The following TBC1D5 variants were observed in gnomAD, a reference collection of about 807,000 sequenced individuals.
The protein encoded by TBC1D5 is TBC1 domain family, member 5.
TBC1D5 carries 75 observed loss-of-function variants against 100.3 expected under a neutral mutation model. The observed-to-expected ratio is 0.75, with a 90% confidence interval of 0.62 to 0.91. TBC1D5 has a LOEUF of 0.91. TBC1D5 is among the 40% of genes least tolerant of loss of function. The pLI is 0.00. For synonymous variants in TBC1D5, 323 were observed against 325.6 expected, an observed-to-expected ratio of 0.99 and a Z score of 0.09; for missense variants, 910 against 942.4, an observed-to-expected ratio of 0.97 and a Z score of 0.45.
chr3:17,712,165 T>G (rs2074802737), intron 1 of TBC1D5, among the ~76,000 whole-genome samples: 1 of 152,130 alleles, frequency 6.6e-6, no homozygotes, highest in African/African-American at 2.4e-5. Context: ...GTGAAATCAT[T>G]ACCATTTCTA....
intron 3 of TBC1D5, among the ~76,000 whole-genome samples, chr3:17,496,608 T>C (rs140875554): frequency 1.3e-5 from 2 of 152,266 alleles, no homozygotes; most frequent in African/African-American, 4.8e-5. Flanking sequence ...CATCCTGTTA[T>C]CTCAGATTAA....
At chr3:17,378,358 T>A (rs2092793204) in intron 9 of TBC1D5, among the ~76,000 whole-genome samples, 1 of 151,836 alleles carries the variant, frequency 6.6e-6, no homozygotes, top group African/African-American at 2.4e-5. Flanking sequence ...GTGAAGAATA[T>A]AAAAATCACT....
intron 2 of TBC1D5, among the ~76,000 whole-genome samples, chr3:17,592,080 A>G (rs936446244): frequency 2.6e-5 from 4 of 152,242 alleles, no homozygotes; most frequent in Non-Finnish European, 4.4e-5. Context: ...GCAGCCATTG[A>G]CCTGGCAAAT....
chr3:17,475,584 T>C (rs925669469), intron 3 of TBC1D5, among the ~76,000 whole-genome samples: 8 of 152,070 alleles, frequency 5.3e-5, no homozygotes, highest in African/African-American at 1.9e-4. Context: ...ATCAAAAATA[T>C]ATCCGGTATC....
chr3:17,497,134 AC>A (rs2095720600), intron 3 of TBC1D5, among the ~76,000 whole-genome samples: 2 of 117,212 alleles, frequency 1.7e-5, no homozygotes, highest in African/African-American at 4.2e-5. Flanking sequence ...ACACACACAC[AC>A]ACCATCCTTG....
At chr3:17,729,016 TAAAAAAAAAAAAA>T (rs34461809) in intron 1 of TBC1D5, among the ~76,000 whole-genome samples, 1 of 29,604 alleles carries the variant, frequency 3.4e-5, no homozygotes, top group Non-Finnish European at 6.8e-5. Flanking sequence ...TGAAAATCAG[TAAAAAAAAAAAAA>T]AAAAAAAAAA....
intron 13 of TBC1D5, among the ~76,000 whole-genome samples, chr3:17,355,680 A>T (rs2091148385): frequency 6.6e-6 from 1 of 152,136 alleles, no homozygotes; most frequent in Admixed American, 6.6e-5. Context: ...TTATACATGA[A>T]ATGAATCATT....
At chr3:17,198,759 C>T (rs2071062031) in intron 18 of TBC1D5, among the ~76,000 whole-genome samples, 1 of 152,188 alleles carries the variant, frequency 6.6e-6, no homozygotes. Context: ...CTTGAAGACA[C>T]AGGTGAGCTT....
chr3:17,456,707 A>T (rs1197081026), intron 3 of TBC1D5, among the ~76,000 whole-genome samples: 1 of 152,220 alleles, frequency 6.6e-6, no homozygotes, highest in African/African-American at 2.4e-5. Context: ...GTAAGTTAGT[A>T]CAACCACTAC....
intron 1 of TBC1D5, among the ~76,000 whole-genome samples, chr3:17,638,289 T>C (rs578059104): frequency 6.6e-6 from 1 of 152,134 alleles, no homozygotes; most frequent in East Asian, 1.9e-4. Context: ...ATTCCAAAAA[T>C]TACCCCATAC....
intron 2 of TBC1D5, among the ~76,000 whole-genome samples, chr3:17,614,811 C>T (rs2062005968): frequency 6.6e-6 from 1 of 152,150 alleles, no homozygotes; most frequent in Admixed American, 6.6e-5. Flanking sequence ...TCTAAATACA[C>T]AATCATGTCA....
intron 19 of TBC1D5, among the ~76,000 whole-genome samples, chr3:17,181,538 G>A (rs2068454635): frequency 6.6e-6 from 1 of 152,188 alleles, no homozygotes; most frequent in Non-Finnish European, 1.5e-5. Flanking sequence ...TTCATAAGCA[G>A]GCTGAGTTAA....
At position 17,522,254 on chromosome 3, in the gene TBC1D5, T is replaced by C. The variant is rs543990064; in HGVS notation, c.-35-13649A>G. Among the ~76,000 whole-genome samples, 10 of 152,260 alleles carry C rather than the reference T, an allele frequency of 6.6e-5. No homozygotes were observed. The South Asian group carries it at 2.1e-3, about 32-fold the overall frequency. On this transcript the variant is annotated intron_variant, in intron 2 of 21. Transcript: ENST00000253692. ...TTCCATTTTTTTCATAAAAGAGATT[T>C]GTACACATGTAAACTTCTGTCCATA...
chr3:17,533,764 T>G (rs1313013929), intron 2 of TBC1D5, among the ~76,000 whole-genome samples: 1 of 152,184 alleles, frequency 6.6e-6, no homozygotes, highest in Non-Finnish European at 1.5e-5. Flanking sequence ...CTTTTAGTAT[T>G]ATGTTATTCT....
At chr3:17,523,320 GA>G (rs1306690802) in intron 2 of TBC1D5, among the ~76,000 whole-genome samples, 4 of 152,156 alleles carry the variant, frequency 2.6e-5, no homozygotes, top group Non-Finnish European at 5.9e-5. Flanking sequence ...AAATAGAGAT[GA>G]GAAGAGAAGA....
chr3:17,247,096 G>A (rs2076800475), intron 16 of TBC1D5, among the ~76,000 whole-genome samples: 1 of 152,182 alleles, frequency 6.6e-6, no homozygotes, highest in Non-Finnish European at 1.5e-5. Context: ...GGTAAGGTTA[G>A]TCACATGGGC....
intron 1 of TBC1D5, among the ~76,000 whole-genome samples, chr3:17,699,723 A>G (rs1251007354): frequency 6.0e-5 from 9 of 151,144 alleles, no homozygotes; most frequent in Non-Finnish European, 7.4e-5. Context: ...TTAATTGTCC[A>G]ATAATATTGT....
chr3:17,631,194 G>A (rs752623329), intron 1 of TBC1D5, among the ~76,000 whole-genome samples: 1 of 152,120 alleles, frequency 6.6e-6, no homozygotes, highest in South Asian at 2.1e-4. Context: ...TATGAAGAAA[G>A]CATGTGTGGT....
chr3:17,359,989 C>G (rs931676905), intron 13 of TBC1D5, among the ~76,000 whole-genome samples: 1 of 151,892 alleles, frequency 6.6e-6, no homozygotes, highest in Non-Finnish European at 1.5e-5. Flanking sequence ...TTAGTAAGTC[C>G]TGAAAAATTC....
Sources: allele counts gnomAD v4.1 joint callset (sites outside exome capture counted in the v4.1 genomes callset), GRCh38; gene constraint gnomAD v4.1.1; transcripts MANE v1.5; gene names NCBI Gene and HGNC (gene_info 2026-07-23, HGNC 2026-07-21).